Variants in ALDH1A1 observed in about 807,000 individuals in gnomAD.
The protein encoded by ALDH1A1 is aldehyde dehydrogenase 1A1.
ALDH1A1 carries 19 observed loss-of-function variants against 62.1 expected under a neutral mutation model. That is an observed-to-expected ratio of 0.31 (90% CI 0.21 to 0.45). The LOEUF (loss-of-function observed/expected upper bound fraction) is 0.45, where lower values mean the gene tolerates loss of function less well. Ranked by LOEUF, ALDH1A1 falls within the 20% of genes least tolerant of loss-of-function variation. ALDH1A1 has a pLI of 1.00. For synonymous variants in ALDH1A1, 231 were observed against 215.9 expected (o/e 1.07, Z -0.61); for missense variants, 521 against 607.1 (o/e 0.86, Z 1.49).
chr9:72,945,415 C>T (rs1242277352), intron 1 of ALDH1A1, among the ~76,000 whole-genome samples: 1 of 151,890 alleles, frequency 6.6e-6, no homozygotes, highest in Non-Finnish European at 1.5e-5. Flanking sequence ...TAAGAGATCA[C>T]ATTTTCAATG....
chr9:72,943,436 A>G (rs1333342553), intron 1 of ALDH1A1, among the ~76,000 whole-genome samples: 4 of 152,180 alleles, frequency 2.6e-5, no homozygotes, highest in African/African-American at 9.6e-5. Flanking sequence ...GCTGTACATA[A>G]AACTGCCACT....
rs142691341 is a variant in ALDH1A1 at position 72,916,180 on chromosome 9, C to T, written c.1035+740G>A. ...ATCCCTAGACATTGCCAAATGTCCC[C>T]GGGGTGAGGGGAGCAAAATTGCCCC... On this transcript the variant is annotated intron_variant, in intron 9 of 12. Transcript: ENST00000297785. Among the ~76,000 whole-genome samples, 169 of 152,214 alleles carry T rather than the reference C, an allele frequency of 1.1e-3. 2 individuals carry two copies. Among genetic ancestry groups the T allele is most frequent in the African/African-American group, 3.4e-3 (142 of 41,548 alleles).
At chr9:72,916,155 A>C (rs1292529392) in intron 9 of ALDH1A1, among the ~76,000 whole-genome samples, 3 of 152,150 alleles carry the variant, frequency 2.0e-5, no homozygotes, top group Non-Finnish European at 4.4e-5. Context: ...AACTTAAAAT[A>C]TCCCTAGACA....
chr9:72,906,085 A>G, intron 11 of ALDH1A1, 53 bp from the exon 12 acceptor site: 2 of 1,446,568 alleles, frequency 1.4e-6, no homozygotes, highest in South Asian at 1.3e-5. Flanking sequence ...TGAAAAAAAA[A>G]TCCTTTTTGG....
At chr9:72,929,714 G>C (rs1312262711) in intron 3 of ALDH1A1, among the ~76,000 whole-genome samples, 1 of 152,120 alleles carries the variant, frequency 6.6e-6, no homozygotes, top group Non-Finnish European at 1.5e-5. Context: ...TATTCTGCTG[G>C]GGTGGTTACC....
chr9:72,923,270 T>C (rs1483083692), intron 7 of ALDH1A1, among the ~76,000 whole-genome samples: 2 of 152,226 alleles, frequency 1.3e-5, no homozygotes, highest in East Asian at 3.9e-4. Context: ...TGAAGCTCAC[T>C]CTTCACTGTC....
chr9:72,945,743 C>A (rs1327282894), intron 1 of ALDH1A1, among the ~76,000 whole-genome samples: 1 of 151,916 alleles, frequency 6.6e-6, no homozygotes, highest in East Asian at 1.9e-4. Flanking sequence ...TCTCTGGCAA[C>A]TGCTTTGCAC....
chr9:72,931,286 TC>T (rs1830279213), intron 2 of ALDH1A1, among the ~76,000 whole-genome samples: 1 of 152,244 alleles, frequency 6.6e-6, no homozygotes, highest in African/African-American at 2.4e-5. Flanking sequence ...GTTGCTATCA[TC>T]TGAGTGCTTG....
chr9:72,925,675 T>C, intron 5 of ALDH1A1, 63 bp from the exon 6 acceptor site: 2 of 1,550,816 alleles, frequency 1.3e-6, no homozygotes, highest in Non-Finnish European at 1.8e-6. Flanking sequence ...CTAATCCAAC[T>C]TCCATATTAT....
chr9:72,909,202 C>T (rs971855918), intron 11 of ALDH1A1, among the ~76,000 whole-genome samples: 11 of 81,220 alleles, frequency 1.4e-4, no homozygotes, highest in African/African-American at 4.8e-4. Flanking sequence ...GCTCTTGTTG[C>T]TGAGGCTAGA....
At position 72,909,682 on chromosome 9, in the gene ALDH1A1, A is replaced by G. The variant is rs1301774599; in HGVS notation, c.1278T>C (p.Tyr426=). 6.2e-7 allele frequency: 1 copy of G among 1,614,044 alleles called. No homozygotes were observed. The change falls in exon 11 of 13, where the codon TAT becomes TAC. Residue 426 remains tyrosine (Y), a synonymous_variant. Transcript: ENST00000297785. ...TGGTAAACACTCCTGCTGATAAGCC[A>G]TAGAAAGTATTGTTTGCTCTTTTGA... The part of the protein sequence containing the change: ...DVIKRANNTF[Y]GLSAGVFTKD...
intron 1 of ALDH1A1, among the ~76,000 whole-genome samples, chr9:72,952,222 A>G (rs1482549740): frequency 6.6e-6 from 1 of 151,964 alleles, no homozygotes; most frequent in African/African-American, 2.4e-5. Flanking sequence ...TGAAACAGGC[A>G]AAGTTCAGAG....
At chr9:72,924,160 A>G (rs753254101) in intron 6 of ALDH1A1, 28 bp from the exon 7 acceptor site, 2 of 1,532,718 alleles carry the variant, frequency 1.3e-6, no homozygotes, top group Non-Finnish European at 9.0e-7. Context: ...TAAAAGTTAC[A>G]GTATAAGAAT....
chr9:72,908,593 AAGAAAGAAAGAAAGAAAGAAAG>A (rs1829930422), intron 11 of ALDH1A1, among the ~76,000 whole-genome samples: 4 of 147,234 alleles, frequency 2.7e-5, no homozygotes, highest in Non-Finnish European at 4.5e-5. Context: ...GAAAGAAAGA[AAGAAAGAAAGAAAGAAAGAAAG>A]AAAGAAAGAA....
intron 1 of ALDH1A1, among the ~76,000 whole-genome samples, chr9:72,946,209 T>C (rs1830471872): frequency 6.6e-6 from 1 of 152,054 alleles, no homozygotes; most frequent in South Asian, 2.1e-4. Context: ...ATTGCTCGCA[T>C]GTAAGCCCTC....
rs765238490 is a variant in ALDH1A1, at chr9:72,906,050, T to C, written c.1359-18A>G. 5.6e-6 allele frequency: 9 copies of C among 1,599,306 alleles called. No homozygotes were observed. Among genetic ancestry groups the C allele is most frequent in the Admixed American group, 1.7e-5 (1 of 58,986 alleles). ...AATTCACCCTGAAGGAAAAGAAAAG[T>C]GCATTATAGACAATACTTAAGGTGT... On this transcript the variant is annotated intron_variant, in intron 11 of 12. Coordinates refer to ENST00000297785, the MANE Select transcript of ALDH1A1 (RefSeq NM_000689.5).
chr9:72,938,761 T>C (rs74472847), intron 2 of ALDH1A1, among the ~76,000 whole-genome samples: 1 of 150,874 alleles, frequency 6.6e-6, no homozygotes, highest in South Asian at 2.1e-4. Flanking sequence ...TTTTTTTTTT[T>C]AATGGAGCTT....
At chr9:72,947,645 T>G (rs745360725) in intron 1 of ALDH1A1, among the ~76,000 whole-genome samples, 13 of 151,992 alleles carry the variant, frequency 8.6e-5, no homozygotes, top group Non-Finnish European at 1.9e-4. Flanking sequence ...TGAGTGAGAT[T>G]CTAGTACTAC....
intron 8 of ALDH1A1, among the ~76,000 whole-genome samples, chr9:72,918,184 A>T (rs1390000179): frequency 6.6e-6 from 1 of 152,222 alleles, no homozygotes; most frequent in African/African-American, 2.4e-5. Context: ...AATATTATAT[A>T]GTGGGGTTAT....
Sources: allele counts gnomAD v4.1 joint callset (sites outside exome capture counted in the v4.1 genomes callset), GRCh38; gene constraint gnomAD v4.1.1; transcripts MANE v1.5; gene names NCBI Gene and HGNC (gene_info 2026-07-23, HGNC 2026-07-21).